The following KCNMA1 variants were observed in gnomAD, a reference collection of about 807,000 sequenced individuals.
KCNMA1 encodes Calcium-activated potassium channel subunit alpha-1.
A neutral mutation model predicts 140.0 loss-of-function variants in KCNMA1; 29 were observed. The ratio of observed to expected loss-of-function variants is 0.21; its 90% CI spans 0.15 to 0.28. The LOEUF (loss-of-function observed/expected upper bound fraction) is 0.28. Among genes scored for constraint, KCNMA1 ranks in the 10% least tolerant of loss-of-function variants. KCNMA1 has a pLI of 1.00. For synonymous variants in KCNMA1, 612 were observed against 611.9 expected (o/e 1.00, Z 0.00); for missense variants, 880 against 1,602.2 (o/e 0.55, Z 7.70).
At chr10:77,203,413 CTG>C (rs2043048838) in intron 3 of KCNMA1, among the ~76,000 whole-genome samples, 1 of 152,210 alleles carries the variant, frequency 6.6e-6, no homozygotes, top group Non-Finnish European at 1.5e-5. Flanking sequence ...AACTCAGTGG[CTG>C]CCTCCTCCAG....
At chr10:77,606,476 A>G (rs2084566442) in intron 1 of KCNMA1, among the ~76,000 whole-genome samples, 1 of 152,136 alleles carries the variant, frequency 6.6e-6, no homozygotes, top group African/African-American at 2.4e-5. Flanking sequence ...TGGGCACAGT[A>G]GTGCGCACCT....
At chr10:77,506,158 C>A (rs1429466850) in intron 1 of KCNMA1, among the ~76,000 whole-genome samples, 1 of 152,168 alleles carries the variant, frequency 6.6e-6, no homozygotes, top group Non-Finnish European at 1.5e-5. Context: ...TCTTTGGTGA[C>A]TAACCCCTCT....
In KCNMA1 at chr10:77,439,154, G is replaced by GAA. The variant is rs1261699610; in HGVS notation, c.379-35133_379-35132dup. On this transcript the variant is annotated intron_variant, in intron 1 of 27. Transcript: ENST00000286628. Reference sequence around the variant, plus strand: ...AGAGAAGAGAAGAGAAGAGAAAAGAGAAGAGAAGAAAAGAAAAGAGAAGAG... The same window carrying GAA: ...AGAGAAGAGAAGAGAAGAGAAAAGAGAAAAGAGAAGAAAAGAAAAGAGAAGAG... Among the ~76,000 whole-genome samples, 768 of 125,880 alleles carry GAA rather than the reference G, an allele frequency of 6.1e-3. 4 individuals are homozygous for GAA. The highest frequency in any genetic ancestry group is 9.6e-3 in the Non-Finnish European group (541 of 56,438). 82.6% of individuals were successfully genotyped at this position (125,880 alleles called of 152,430 possible). A position where few individuals can be genotyped will look rare whatever the true frequency, so the allele number is the denominator to read the frequency against.
intron 2 of KCNMA1, among the ~76,000 whole-genome samples, chr10:77,295,673 C>T (rs1438029349): frequency 2.0e-5 from 3 of 147,478 alleles, no homozygotes; most frequent in East Asian, 2.1e-4. Context: ...CCCAGCTACT[C>T]GGGAGGCTGA....
At chr10:77,405,620 T>A (rs929509123) in intron 1 of KCNMA1, among the ~76,000 whole-genome samples, 9 of 152,204 alleles carry the variant, frequency 5.9e-5, no homozygotes, top group Non-Finnish European at 1.3e-4. Context: ...ACAATGTACA[T>A]TTAACTGGAC....
chr10:77,517,522 G>A (rs2154549657), intron 1 of KCNMA1, among the ~76,000 whole-genome samples: 2 of 152,304 alleles, frequency 1.3e-5, no homozygotes, highest in South Asian at 4.1e-4. Context: ...GAGCAGCCAG[G>A]CTGGGGATGC....
At chr10:77,583,517 C>G (rs976675700) in intron 1 of KCNMA1, among the ~76,000 whole-genome samples, 1 of 152,228 alleles carries the variant, frequency 6.6e-6, no homozygotes, top group African/African-American at 2.4e-5. Context: ...AAAGCCCATG[C>G]TGCTATAATT....
chr10:77,540,403 C>T (rs1191567639), intron 1 of KCNMA1, among the ~76,000 whole-genome samples: 1 of 152,226 alleles, frequency 6.6e-6, no homozygotes, highest in Non-Finnish European at 1.5e-5. Flanking sequence ...TGAGCAAACT[C>T]CTTTGGGAAA....
intron 2 of KCNMA1, among the ~76,000 whole-genome samples, chr10:77,342,459 G>A (rs1401829827): frequency 6.6e-6 from 1 of 152,150 alleles, no homozygotes; most frequent in African/African-American, 2.4e-5. Context: ...ATTCAGGGAT[G>A]TGCATGCTGC....
intron 1 of KCNMA1, among the ~76,000 whole-genome samples, chr10:77,519,576 G>C (rs2052046704): frequency 6.6e-6 from 1 of 152,124 alleles, no homozygotes; most frequent in Admixed American, 6.5e-5. Context: ...ACTGTAAAGA[G>C]TATTAATATC....
intron 3 of KCNMA1, among the ~76,000 whole-genome samples, chr10:77,202,726 A>G (rs896959489): frequency 2.6e-5 from 4 of 152,194 alleles, no homozygotes; most frequent in African/African-American, 9.7e-5. Flanking sequence ...GGAGTATAGG[A>G]GTATTTACAG....
intron 5 of KCNMA1, 48 bp downstream of exon 5, chr10:77,183,373 G>T: frequency 7.8e-7 from 1 of 1,282,828 alleles, no homozygotes; most frequent in South Asian, 1.2e-5. Context: ...CTGTCCTTCA[G>T]CCATGACTCA....
At chr10:77,616,496 T>A (rs998081991) in intron 1 of KCNMA1, among the ~76,000 whole-genome samples, 1 of 152,140 alleles carries the variant, frequency 6.6e-6, no homozygotes, top group South Asian at 2.1e-4. Flanking sequence ...TGGGGTGACA[T>A]CTCCCAGCAT....
intron 1 of KCNMA1, among the ~76,000 whole-genome samples, chr10:77,426,136 G>A (rs148602889): frequency 3.3e-5 from 5 of 152,304 alleles, no homozygotes; most frequent in African/African-American, 4.8e-5. Flanking sequence ...TAGGACATAC[G>A]TGAAGGACTC....
chr10:77,027,684 G>A, intron 16 of KCNMA1, 139 bp downstream of exon 16: 1 of 785,304 alleles, frequency 1.3e-6, no homozygotes, highest in Non-Finnish European at 2.3e-6. Flanking sequence ...CTCGAAATGT[G>A]CTCTAGGGTC....
chr10:77,267,821 G>T (rs545211398), intron 2 of KCNMA1, among the ~76,000 whole-genome samples: 1 of 152,164 alleles, frequency 6.6e-6, no homozygotes, highest in South Asian at 2.1e-4. Context: ...GCTGCATGTG[G>T]CACTGAGCTT....
At chr10:77,414,792 A>C (rs1383151103) in intron 1 of KCNMA1, among the ~76,000 whole-genome samples, 2 of 152,148 alleles carry the variant, frequency 1.3e-5, no homozygotes, top group Non-Finnish European at 1.5e-5. Context: ...GCCTGGCTGC[A>C]AGGTAGGAAT....
At chr10:76,872,565 T>C (rs1285580043), downstream of KCNMA1, 2 of 152,098 alleles carry the variant, frequency 1.3e-5, no homozygotes, top group Non-Finnish European at 2.9e-5. Flanking sequence ...CTCATCTCAG[T>C]TTTCCTCAGT....
intron 1 of KCNMA1, among the ~76,000 whole-genome samples, chr10:77,605,995 G>A: frequency 6.6e-6 from 1 of 152,172 alleles, no homozygotes; most frequent in Admixed American, 6.5e-5. Flanking sequence ...CTGAACGCAA[G>A]CAGGTGCAGA....
Sources: allele counts gnomAD v4.1 joint callset (sites outside exome capture counted in the v4.1 genomes callset), GRCh38; gene constraint gnomAD v4.1.1; transcripts MANE v1.5; gene names NCBI Gene and HGNC (gene_info 2026-07-23, HGNC 2026-07-21).